Variants in PTPRG observed in about 807,000 individuals in gnomAD.
PTPRG encodes receptor-type tyrosine-protein phosphatase gamma.
A neutral mutation model predicts 165.3 loss-of-function variants in PTPRG; 102 were observed. That is an observed-to-expected ratio of 0.62 (90% CI 0.53 to 0.73). The LOEUF is 0.73. Among genes scored for constraint, PTPRG ranks in the 30% least tolerant of loss-of-function variants. PTPRG has a pLI of 0.00. For synonymous variants in PTPRG, 675 were observed against 669.5 expected, an observed-to-expected ratio of 1.01 and a Z score of -0.13; for missense variants, 1,866 against 1,861.4, an observed-to-expected ratio of 1.00 and a Z score of -0.05.
At chr3:62,262,667 A>G (rs1468589974) in intron 16 of PTPRG, 131 bp from the exon 17 acceptor site, 1 of 492,174 alleles carries the variant, frequency 2.0e-6, no homozygotes, top group Non-Finnish European at 3.6e-6. Context: ...CAATAATTAT[A>G]TCCGAAGTTG....
chr3:61,650,475 A>G (rs948145104), intron 1 of PTPRG, among the ~76,000 whole-genome samples: 1 of 152,234 alleles, frequency 6.6e-6, no homozygotes, highest in Non-Finnish European at 1.5e-5. Flanking sequence ...AGGAGAAGGG[A>G]AACTTGGCAC....
At chr3:61,610,872 T>C (rs934879992) in intron 1 of PTPRG, among the ~76,000 whole-genome samples, 1 of 151,538 alleles carries the variant, frequency 6.6e-6, no homozygotes, top group African/African-American at 2.4e-5. Flanking sequence ...AATTGCACTA[T>C]CTTGGCTCAC....
chr3:61,830,894 G>C (rs1256442659), intron 2 of PTPRG, among the ~76,000 whole-genome samples: 1 of 152,106 alleles, frequency 6.6e-6, no homozygotes, highest in East Asian at 1.9e-4. Context: ...TTTATCGGGA[G>C]GTATAAATGC....
At chr3:61,939,269 A>G (rs2039554472) in intron 2 of PTPRG, among the ~76,000 whole-genome samples, 2 of 152,228 alleles carry the variant, frequency 1.3e-5, no homozygotes, top group South Asian at 4.1e-4. Flanking sequence ...GCTCAGTGGA[A>G]TAATTTGACA....
intron 5 of PTPRG, among the ~76,000 whole-genome samples, chr3:62,117,723 T>C (rs576995786): frequency 6.6e-6 from 1 of 152,320 alleles, no homozygotes; most frequent in East Asian, 1.9e-4. Context: ...TATCTACTAA[T>C]ATCACAATTA....
intron 1 of PTPRG, among the ~76,000 whole-genome samples, chr3:61,734,753 C>G (rs909591179): frequency 2.0e-5 from 3 of 152,068 alleles, no homozygotes; most frequent in African/African-American, 7.2e-5. Flanking sequence ...CCTTCCTATC[C>G]CAAGTTTGAT....
At chr3:61,860,591 C>G (rs1218345227) in intron 2 of PTPRG, among the ~76,000 whole-genome samples, 1 of 151,818 alleles carries the variant, frequency 6.6e-6, no homozygotes, top group Non-Finnish European at 1.5e-5. Context: ...CAGGCACGCA[C>G]CAGCACTCAC....
intron 2 of PTPRG, among the ~76,000 whole-genome samples, chr3:61,792,716 CTTTCTTTCTTTCTTTCTTTCTT>C (rs1447475109): frequency 9.7e-6 from 1 of 102,664 alleles, no homozygotes; most frequent in African/African-American, 4.7e-5. Flanking sequence ...TTCTTTCTTT[CTTTCTTTCTTTCTTTCTTTCTT>C]TCTTTCTTTG....
At chr3:61,799,151 A>G (rs1337058041) in intron 2 of PTPRG, among the ~76,000 whole-genome samples, 1 of 152,202 alleles carries the variant, frequency 6.6e-6, no homozygotes, top group African/African-American at 2.4e-5. Context: ...TCTTTCCAAT[A>G]GTAGTATGAA....
At chr3:62,170,585 C>T (rs1487428412) in intron 8 of PTPRG, among the ~76,000 whole-genome samples, 3 of 152,152 alleles carry the variant, frequency 2.0e-5, no homozygotes, top group African/African-American at 7.2e-5. Context: ...TTCCACTGAA[C>T]GGGCCTTCTC....
chr3:61,586,276 T>C (rs1700432305), intron 1 of PTPRG, among the ~76,000 whole-genome samples: 1 of 152,166 alleles, frequency 6.6e-6, no homozygotes, highest in Non-Finnish European at 1.5e-5. Flanking sequence ...AAGGTGGTTG[T>C]CTTGGCAGCG....
chr3:61,595,185 G>C (rs4447758), intron 1 of PTPRG, among the ~76,000 whole-genome samples: 12 of 148,736 alleles, frequency 8.1e-5, no homozygotes, highest in African/African-American at 2.3e-4. Flanking sequence ...AGATGTGTTT[G>C]TTTTTTTTTT....
At chr3:61,775,365 C>T (rs1412209695) in intron 2 of PTPRG, among the ~76,000 whole-genome samples, 2 of 152,094 alleles carry the variant, frequency 1.3e-5, no homozygotes, top group Non-Finnish European at 2.9e-5. Context: ...GGCACTGCAC[C>T]AGGCCCCTTA....
chr3:62,155,086 C>T (rs985998089), intron 6 of PTPRG, among the ~76,000 whole-genome samples: 3 of 152,288 alleles, frequency 2.0e-5, no homozygotes, highest in African/African-American at 7.2e-5. Context: ...TGCCAGTGGG[C>T]GGAGGGGCAA....
chr3:61,951,097 T>C (rs1421194940), intron 2 of PTPRG, among the ~76,000 whole-genome samples: 4 of 152,354 alleles, frequency 2.6e-5, no homozygotes, highest in African/African-American at 4.8e-5. Context: ...TTAAAGACAG[T>C]AAGTCATTCA....
At position 62,053,155 on chromosome 3, in the gene PTPRG, A is replaced by AT. The variant is rs151308347; in HGVS notation, c.520-25002dup. The stretch of plus-strand genomic sequence containing the variant: ...AACTCTTGACAGATATATGAGTGTC[A>AT]TTTTTTGTGGTTTAATATAGACTGT... On this transcript the variant is annotated intron_variant, in intron 4 of 29. Coordinates refer to ENST00000474889, the MANE Select transcript of PTPRG (RefSeq NM_002841.4). 6.7e-3 allele frequency among the ~76,000 whole-genome samples: 1,006 copies of AT among 151,182 alleles called. 15 individuals are homozygous for AT. The highest frequency in any genetic ancestry group is 0.023 in the African/African-American group (927 of 41,130).
Position 62,255,208 on chromosome 3 carries a change from A to G in PTPRG, c.2552A>G (p.Asp851Gly), listed in dbSNP as rs1701511155. The change falls in exon 16 of 30, where the codon GAT (aspartate) becomes GGT (glycine). Residue 851 changes from aspartate to glycine, a missense_variant. By Grantham distance (94) the Asp-to-Gly change is moderately conservative. Coordinates refer to ENST00000474889, the MANE Select transcript of PTPRG (RefSeq NM_002841.4). The surrounding 1 kb of genome is among the most constrained non-coding windows in gnomAD (Gnocchi z 4.0). ...YSNNQHGFSE[D>G]FEEVQRCTAD... ...AATAACCAGCATGGGTTCTCTGAGGATTTTGAGGTATGTTTCAAGGCTGGA... is the reference window on the plus strand; with the variant it reads ...AATAACCAGCATGGGTTCTCTGAGGGTTTTGAGGTATGTTTCAAGGCTGGA... 6.2e-7 allele frequency: 1 copy of G among 1,610,262 alleles called. No homozygotes were observed. Among genetic ancestry groups the G allele is most frequent in the African/African-American group, 1.3e-5 (1 of 74,680 alleles).
chr3:61,878,774 C>G (rs2037810356), intron 2 of PTPRG, among the ~76,000 whole-genome samples: 1 of 152,122 alleles, frequency 6.6e-6, no homozygotes, highest in South Asian at 2.1e-4. Context: ...AAAGTGCTTG[C>G]ATTACAGGCA....
At chr3:62,059,691 C>T (rs1700742462) in intron 4 of PTPRG, among the ~76,000 whole-genome samples, 1 of 152,136 alleles carries the variant, frequency 6.6e-6, no homozygotes, top group African/African-American at 2.4e-5. Context: ...TGTATCCCCA[C>T]CCAAATCTCA....
Sources: allele counts gnomAD v4.1 joint callset (sites outside exome capture counted in the v4.1 genomes callset), GRCh38; gene constraint gnomAD v4.1.1; non-coding constraint Gnocchi (gnomAD v3.1); transcripts MANE v1.5; gene names NCBI Gene and HGNC (gene_info 2026-07-23, HGNC 2026-07-21).